PIGU: variants seen among roughly 807,000 people sequenced by gnomAD.
PIGU encodes the protein phosphatidylinositol glycan anchor biosynthesis class U, also known as GPI-anchor transamidase component PIGU.
Under a neutral mutation model 49.9 loss-of-function variants are expected in PIGU, and 24 were observed. The ratio of observed to expected loss-of-function variants is 0.48; its 90% CI spans 0.35 to 0.68. PIGU has a LOEUF of 0.68. Ranked by LOEUF, PIGU falls within the 30% of genes least tolerant of loss-of-function variation. The pLI is 0.01. For synonymous variants in PIGU, 220 were observed against 205.7 expected (o/e 1.07, Z -0.59); for missense variants, 490 against 532.6 (o/e 0.92, Z 0.79).
intron 6 of PIGU, among the ~76,000 whole-genome samples, chr20:34,626,583 C>T (rs970412294): frequency 3.3e-5 from 5 of 152,040 alleles, no homozygotes; most frequent in South Asian, 4.1e-4. Context: ...GAATTACAGG[C>T]GTGAGCCACC....
At chr20:34,659,777 T>C (rs533499035) in intron 1 of PIGU, among the ~76,000 whole-genome samples, 2 of 152,168 alleles carry the variant, frequency 1.3e-5, no homozygotes, top group Non-Finnish European at 2.9e-5. Context: ...CTCTGAAACA[T>C]GTGCTGTGTC....
chr20:34,672,401 A>G (rs1987335281), intron 1 of PIGU, among the ~76,000 whole-genome samples: 1 of 152,126 alleles, frequency 6.6e-6, no homozygotes, highest in Admixed American at 6.5e-5. Flanking sequence ...AATTTTTCCT[A>G]TGGGATACCC....
chr20:34,645,931 T>A (rs1241666461), intron 2 of PIGU, among the ~76,000 whole-genome samples: 3 of 151,780 alleles, frequency 2.0e-5, no homozygotes, highest in Non-Finnish European at 4.4e-5. Flanking sequence ...AAATATATAG[T>A]CAAGACACTA....
rs561032675 is a variant in PIGU, at chr20:34,664,663, C to T, written c.131-7419G>A. 2.8e-3 allele frequency among the ~76,000 whole-genome samples: 422 copies of T among 148,422 alleles called. 1 individual carries two copies. Among genetic ancestry groups the T allele is most frequent in the African/African-American group, 1.0e-2 (401 of 40,198 alleles). On this transcript the variant is annotated intron_variant, in intron 1 of 11. Coordinates refer to ENST00000217446, the MANE Select transcript of PIGU (RefSeq NM_080476.5). ...AGCCTGGGCAACAAAAGTAAAACTC[C>T]GTCTCAAAGCATAAAAAATAAAAAA...
At chr20:34,626,434 T>C (rs564197631) in intron 6 of PIGU, among the ~76,000 whole-genome samples, 1 of 151,776 alleles carries the variant, frequency 6.6e-6, no homozygotes, top group Non-Finnish European at 1.5e-5. Flanking sequence ...TCCCGAGTAG[T>C]TGGGATTACA....
intron 7 of PIGU, among the ~76,000 whole-genome samples, chr20:34,598,727 C>T (rs1253483965): frequency 1.3e-5 from 2 of 152,230 alleles, no homozygotes; most frequent in Non-Finnish European, 2.9e-5. Context: ...CTTGGAGTCA[C>T]ATCAGGCAAC....
chr20:34,663,673 T>C (rs549401995), intron 1 of PIGU, among the ~76,000 whole-genome samples: 2 of 152,238 alleles, frequency 1.3e-5, no homozygotes, highest in Non-Finnish European at 2.9e-5. Context: ...CTGGTCCTTA[T>C]ACTGCAACCA....
In PIGU at chr20:34,560,847, AG is replaced by A; in HGVS notation, c.*18del. 3 of 1,552,986 alleles carry A rather than the reference AG, an allele frequency of 1.9e-6. No individual in the cohort carries two copies. The highest frequency in any genetic ancestry group is 2.6e-6 in the Non-Finnish European group (3 of 1,133,716). On this transcript the variant is annotated 3_prime_UTR_variant, in exon 12 of 12. Transcript: ENST00000217446. ...CCCCACAGCCCCCTGAGGTCCATGC[AG>A]CCCTGTGCCAGCCAGGCCTACTTGA...
At chr20:34,672,469 C>T (rs1600678007) in intron 1 of PIGU, among the ~76,000 whole-genome samples, 1 of 152,030 alleles carries the variant, frequency 6.6e-6, no homozygotes, top group East Asian at 1.9e-4. Context: ...ATACATGACC[C>T]AGGCAGACTA....
chr20:34,638,287 G>C (rs1986033341), intron 4 of PIGU, among the ~76,000 whole-genome samples: 1 of 152,172 alleles, frequency 6.6e-6, no homozygotes, highest in Middle Eastern at 3.4e-3. Flanking sequence ...ATTTCCTTAG[G>C]AAGGCACACT....
chr20:34,592,797 C>T (rs1600608804), intron 7 of PIGU, among the ~76,000 whole-genome samples: 1 of 152,012 alleles, frequency 6.6e-6, no homozygotes, highest in South Asian at 2.1e-4. Flanking sequence ...ATAACAGTAT[C>T]ATGGTTATAT....
chr20:34,676,865 C>T (rs1987519749), intron 1 of PIGU, 91 bp downstream of exon 1: 1 of 1,527,246 alleles, frequency 6.5e-7, no homozygotes, highest in East Asian at 2.4e-5. Context: ...CTAGGAACCG[C>T]GCGCTGGCGG....
intron 2 of PIGU, among the ~76,000 whole-genome samples, chr20:34,646,830 C>T (rs1568656871): frequency 6.7e-6 from 1 of 148,506 alleles, no homozygotes; most frequent in African/African-American, 2.5e-5. Context: ...CTTTTCTTTT[C>T]TTTTTTTTTT....
chr20:34,668,346 CA>C (rs1987169582), intron 1 of PIGU, among the ~76,000 whole-genome samples: 3 of 150,934 alleles, frequency 2.0e-5, no homozygotes, highest in Admixed American at 1.3e-4. Flanking sequence ...CCTATAATCC[CA>C]GCTACTCGGG....
intron 1 of PIGU, among the ~76,000 whole-genome samples, chr20:34,658,927 C>T (rs1418158425): frequency 1.7e-4 from 25 of 151,038 alleles, no homozygotes; most frequent in African/African-American, 5.4e-4. Flanking sequence ...CCAGGCCAGC[C>T]GCCCCGTCCG....
intron 10 of PIGU, among the ~76,000 whole-genome samples, chr20:34,577,453 C>T (rs939999466): frequency 2.0e-5 from 3 of 152,210 alleles, no homozygotes; most frequent in East Asian, 1.9e-4. Context: ...TGGTGGCTCA[C>T]GCCTGTAATC....
intron 2 of PIGU, among the ~76,000 whole-genome samples, chr20:34,649,654 C>A (rs559113086): frequency 2.0e-5 from 3 of 151,228 alleles, no homozygotes; most frequent in African/African-American, 7.3e-5. Context: ...CCCACCTCAG[C>A]CTCCCGAGTA....
At chr20:34,647,617 G>C (rs1346396640) in intron 2 of PIGU, among the ~76,000 whole-genome samples, 1 of 151,812 alleles carries the variant, frequency 6.6e-6, no homozygotes, top group Non-Finnish European at 1.5e-5. Context: ...ATGTTGGCCA[G>C]GCTGGTCTCG....
intron 2 of PIGU, among the ~76,000 whole-genome samples, chr20:34,649,342 C>A (rs1329524693): frequency 6.6e-6 from 1 of 151,770 alleles, no homozygotes; most frequent in Non-Finnish European, 1.5e-5. Context: ...TCTAGAACTC[C>A]ACTGATGTAT....
Sources: gnomAD v4.1 joint callset for allele counts (sites outside exome capture counted in the v4.1 genomes callset) on GRCh38, gnomAD v4.1.1 for gene constraint, MANE v1.5 for transcripts, NCBI Gene and HGNC (gene_info 2026-07-23, HGNC 2026-07-21) for gene names.